Variants in AFDN observed in about 807,000 individuals in gnomAD.
AFDN encodes afadin, adherens junction formation factor.
AFDN carries 68 observed loss-of-function variants against 216.6 expected under a neutral mutation model. The ratio of observed to expected loss-of-function variants is 0.31; its 90% CI spans 0.26 to 0.38. The LOEUF is 0.38. AFDN is among the 10% of genes least tolerant of loss of function. The pLI is 1.00. For missense variants in AFDN, 2,136 were observed against 2,342.0 expected, an observed-to-expected ratio of 0.91 and a Z score of 1.82; for synonymous variants, 868 against 853.7, an observed-to-expected ratio of 1.02 and a Z score of -0.29.
intron 23 of AFDN, among the ~76,000 whole-genome samples, chr6:167,928,735 C>T (rs968071308): frequency 2.0e-5 from 3 of 152,192 alleles, no homozygotes; most frequent in African/African-American, 7.2e-5. Flanking sequence ...CCTGTCTTTG[C>T]TTCTTGTTTT....
chr6:167,877,089 A>G (rs1186093217), intron 5 of AFDN, among the ~76,000 whole-genome samples: 1 of 152,226 alleles, frequency 6.6e-6, no homozygotes, highest in Non-Finnish European at 1.5e-5. Flanking sequence ...TCTGTCATTG[A>G]CAGTGGGACT....
intron 9 of AFDN, among the ~76,000 whole-genome samples, chr6:167,895,244 G>C (rs1407307842): frequency 6.6e-6 from 1 of 152,068 alleles, no homozygotes; most frequent in Non-Finnish European, 1.5e-5. Flanking sequence ...TCTGGGAGTA[G>C]ATAAGGGGGA....
At chr6:167,938,185 G>C (rs1794241764) in intron 23 of AFDN, among the ~76,000 whole-genome samples, 1 of 152,182 alleles carries the variant, frequency 6.6e-6, no homozygotes, top group Non-Finnish European at 1.5e-5. Flanking sequence ...GAATGGAGAG[G>C]ATTTGGGCAT....
chr6:167,966,225 C>A lies in AFDN; in HGVS notation c.5257+180C>A, dbSNP rs576690374. On this transcript the variant is annotated intron_variant, in intron 32 of 33. Coordinates refer to ENST00000683244, the MANE Select transcript of AFDN (RefSeq NM_001386888.1). The stretch of plus-strand genomic sequence containing the variant: ...TGCTCACAAAAAAGGCCAGCCCCTG[C>A]CCCCTCCAAAAAAATCCAGCTCCTA... The A allele has an allele frequency of 3.9e-6, 6 of 1,532,182 alleles. No individual in the cohort carries two copies. The African/African-American group carries it at 8.2e-5, about 21-fold the overall frequency. The allele number at this position is 1,532,182 out of a possible 1,614,324, so 94.9% of individuals were successfully genotyped here.
At chr6:167,961,780 G>A (rs1797062250) in intron 30 of AFDN, among the ~76,000 whole-genome samples, 1 of 152,190 alleles carries the variant, frequency 6.6e-6, no homozygotes, top group East Asian at 1.9e-4. Flanking sequence ...TCCCATCTCA[G>A]GTTCAGAGTC....
chr6:167,925,843 T>A (rs1236721716), intron 23 of AFDN, among the ~76,000 whole-genome samples: 1 of 152,230 alleles, frequency 6.6e-6, no homozygotes, highest in Non-Finnish European at 1.5e-5. Context: ...TATTTAGATA[T>A]TTTCCATGAA....
intron 1 of AFDN, among the ~76,000 whole-genome samples, chr6:167,846,368 T>A (rs558049203): frequency 6.6e-6 from 1 of 152,294 alleles, no homozygotes; most frequent in East Asian, 1.9e-4. Flanking sequence ...ACAAAAATAC[T>A]AAAATAATTT....
At position 167,950,523 on chromosome 6, in the gene AFDN, G is replaced by A. The variant is rs577623265; in HGVS notation, c.3832-663G>A. Reference sequence around the variant, plus strand: ...TTTTGGACCTTTCTGGTATTGGAGCGGACGTATCGCAGATGTGTGGGACTT... The same window carrying A: ...TTTTGGACCTTTCTGGTATTGGAGCAGACGTATCGCAGATGTGTGGGACTT... On this transcript the variant is annotated intron_variant, in intron 29 of 33. Coordinates refer to ENST00000683244, the MANE Select transcript of AFDN (RefSeq NM_001386888.1). Among the ~76,000 whole-genome samples the A allele has an allele frequency of 3.9e-5, 6 of 152,190 alleles. No individual in the cohort carries two copies. The South Asian group carries it at 1.0e-3, about 26-fold the overall frequency.
intron 1 of AFDN, among the ~76,000 whole-genome samples, chr6:167,827,471 C>A (rs867942063): frequency 6.9e-6 from 1 of 145,400 alleles, no homozygotes; most frequent in Admixed American, 6.8e-5. Flanking sequence ...CGGGGGCTGG[C>A]GGGGCGCGGC....
intron 1 of AFDN, among the ~76,000 whole-genome samples, chr6:167,830,287 G>T (rs775453833): frequency 7.9e-5 from 12 of 152,184 alleles, no homozygotes; most frequent in Non-Finnish European, 1.5e-4. Context: ...TAACTTACCA[G>T]ACTTGTCATT....
chr6:167,943,354 C>T, intron 24 of AFDN, 48 bp from the exon 25 acceptor site: 1 of 1,570,112 alleles, frequency 6.4e-7, no homozygotes, highest in Non-Finnish European at 8.8e-7. Flanking sequence ...CTCCCGCTCT[C>T]TTTGCTCTCT....
At chr6:167,865,215 G>T (rs1000625981) in intron 2 of AFDN, among the ~76,000 whole-genome samples, 1 of 152,032 alleles carries the variant, frequency 6.6e-6, no homozygotes, top group Non-Finnish European at 1.5e-5. Flanking sequence ...ATAATTTAGG[G>T]TATGTATCTT....
chr6:167,846,277 G>A (rs866832802), intron 1 of AFDN, among the ~76,000 whole-genome samples: 4 of 151,950 alleles, frequency 2.6e-5, no homozygotes, highest in African/African-American at 9.7e-5. Context: ...ATCGAAAGAA[G>A]CCTTGGATGT....
At chr6:167,861,411 C>A (rs1160605330) in intron 1 of AFDN, among the ~76,000 whole-genome samples, 1 of 152,170 alleles carries the variant, frequency 6.6e-6, no homozygotes, top group Non-Finnish European at 1.5e-5. Flanking sequence ...AATACTCTTA[C>A]TTTTCTATAC....
At chr6:167,855,414 G>A (rs1212387791) in intron 1 of AFDN, among the ~76,000 whole-genome samples, 2 of 152,024 alleles carry the variant, frequency 1.3e-5, no homozygotes, top group African/African-American at 4.8e-5. Flanking sequence ...ACAAAACGAA[G>A]TAGTAAGCCT....
intron 30 of AFDN, among the ~76,000 whole-genome samples, chr6:167,959,391 C>T (rs902974732): frequency 6.6e-6 from 1 of 152,154 alleles, no homozygotes; most frequent in Non-Finnish European, 1.5e-5. Flanking sequence ...ATAGAGTAGA[C>T]TTTTGCTTGG....
In AFDN at chr6:167,970,222, A is replaced by G. The variant is rs80133707; in HGVS notation, c.*287A>G. 1.9e-5 allele frequency: 7 copies of G among 368,232 alleles called. No individual in the cohort carries two copies. Among genetic ancestry groups the G allele is most frequent in the Non-Finnish European group, 2.9e-5 (6 of 206,546 alleles). The allele number at this position is 368,232 out of a possible 1,614,324, so 22.8% of individuals were successfully genotyped here. A position where few individuals can be genotyped will look rare whatever the true frequency, so the allele number is the denominator to read the frequency against. ...GTTTCTTTTTTGGAGTCCTGAGTTC[A>G]AAGGGGACAGAACTAAGGGCAGGAG... On this transcript the variant is annotated 3_prime_UTR_variant, in exon 34 of 34. Coordinates refer to ENST00000683244, the MANE Select transcript of AFDN (RefSeq NM_001386888.1).
chr6:167,911,469 A>G lies in AFDN; in HGVS notation c.2017A>G (p.Met673Val), dbSNP rs1200254399. The G allele has an allele frequency of 1.9e-6, 3 of 1,614,186 alleles. No individual in the cohort carries two copies. Among genetic ancestry groups the G allele is most frequent in the Admixed American group, 1.7e-5 (1 of 60,034 alleles). ...VIAVVNKMVS[M>V]MEGVIQEVDQ... ...TGCAGTCGTCAACAAGATGGTGAGC[A>G]TGATGGAGGGTGTCATCCAGGTACG... Residue 673 changes from methionine to valine, a missense_variant, in exon 15 of 34, where the codon ATG becomes GTG. Transcript: ENST00000683244.
intron 5 of AFDN, among the ~76,000 whole-genome samples, chr6:167,879,421 AT>A: frequency 6.6e-6 from 1 of 152,190 alleles, no homozygotes. Flanking sequence ...AAACCCACAG[AT>A]TTTCTAATCT....
Sources: allele counts gnomAD v4.1 joint callset (sites outside exome capture counted in the v4.1 genomes callset), GRCh38; gene constraint gnomAD v4.1.1; transcripts MANE v1.5; gene names NCBI Gene and HGNC (gene_info 2026-07-23, HGNC 2026-07-21).